The following PTGR3 variants were observed in gnomAD, a reference collection of about 807,000 sequenced individuals.
PTGR3 encodes zinc binding alcohol dehydrogenase domain containing 2.
chr18:75,206,056 GTCTC>G, the PTGR3 span, among the ~76,000 whole-genome samples: 10 of 152,238 alleles, frequency 6.6e-5, no homozygotes, highest in South Asian at 1.7e-3. Flanking sequence ...ACCTGGGGAT[GTCTC>G]TCTCTCTCTT....
the PTGR3 span, chr18:75,198,967 C>T: frequency 6.6e-6 from 1 of 152,442 alleles, no homozygotes; most frequent in Non-Finnish European, 1.5e-5. Flanking sequence ...GAACTATGAC[C>T]CTCAATTTAC....
chr18:75,203,240 T>C, the PTGR3 span, among the ~76,000 whole-genome samples: 1 of 152,142 alleles, frequency 6.6e-6, no homozygotes, highest in Non-Finnish European at 1.5e-5. Context: ...GTATACCTCC[T>C]AACAAAAATA....
the PTGR3 span, chr18:75,201,710 G>T: frequency 6.2e-7 from 1 of 1,614,200 alleles, no homozygotes; most frequent in African/African-American, 1.3e-5. Context: ...CAGGCGAAAG[G>T]CCAGTAGGAG....
At chr18:75,201,255 A>T in the PTGR3 span, 4 of 478,626 alleles carry the variant, frequency 8.4e-6, no homozygotes, top group East Asian at 3.7e-5. Context: ...CCAAGGGAAG[A>T]GGAGGAGGAG....
chr18:75,208,990 G>T, the PTGR3 span: 2 of 1,594,892 alleles, frequency 1.3e-6, no homozygotes, highest in Non-Finnish European at 1.7e-6. Flanking sequence ...AGCCCTGGAA[G>T]TCCAGGAAGT....
At chr18:75,205,379 C>T in the PTGR3 span, 1 of 985,512 alleles carries the variant, frequency 1.0e-6, no homozygotes, top group Non-Finnish European at 1.2e-6. Flanking sequence ...GTACCCCCAC[C>T]CCCCCTTTAA....
At chr18:75,206,603 CGTG>C in the PTGR3 span, among the ~76,000 whole-genome samples, 1 of 152,166 alleles carries the variant, frequency 6.6e-6, no homozygotes, top group Non-Finnish European at 1.5e-5. Flanking sequence ...CTTCCTACAA[CGTG>C]GTGGTGGGAG....
the PTGR3 span, chr18:75,196,173 T>C: frequency 6.6e-6 from 1 of 152,210 alleles, no homozygotes; most frequent in African/African-American, 2.4e-5. Flanking sequence ...TTTATGAGGA[T>C]TTTTCTGAGC....
the PTGR3 span, chr18:75,200,686 T>C: frequency 6.6e-6 from 1 of 152,210 alleles, no homozygotes; most frequent in Non-Finnish European, 1.5e-5. Context: ...GTGGTTTCCC[T>C]TTCCAAAACC....
chr18:75,203,795 C>G, the PTGR3 span, among the ~76,000 whole-genome samples: 2 of 152,064 alleles, frequency 1.3e-5, no homozygotes, highest in African/African-American at 2.4e-5. Flanking sequence ...AAGAACCTGC[C>G]ATCTTTCCTT....
the PTGR3 span, chr18:75,208,962 T>G: frequency 6.3e-7 from 1 of 1,595,040 alleles, no homozygotes; most frequent in Admixed American, 1.7e-5. Flanking sequence ...AGCTTCTGCA[T>G]GGCTTGGGGA....
the PTGR3 span, among the ~76,000 whole-genome samples, chr18:75,202,833 T>C: frequency 6.6e-6 from 1 of 152,218 alleles, no homozygotes; most frequent in East Asian, 1.9e-4. Context: ...GTATTGATTC[T>C]GGCAACAATT....
At chr18:75,204,852 C>T in the PTGR3 span, among the ~76,000 whole-genome samples, 3 of 152,166 alleles carry the variant, frequency 2.0e-5, no homozygotes, top group East Asian at 5.8e-4. Context: ...AAGTTCTCTC[C>T]GAGTCCCGTG....
chr18:75,208,987 G>A, the PTGR3 span: 71 of 1,593,846 alleles, frequency 4.5e-5, no homozygotes, highest in Admixed American at 2.9e-4. Flanking sequence ...CGGAGCCCTG[G>A]AAGTCCAGGA....
At chr18:75,203,636 A>C in the PTGR3 span, among the ~76,000 whole-genome samples, 124 of 152,294 alleles carry the variant, frequency 8.1e-4, 1 homozygote, top group African/African-American at 2.4e-3. Context: ...ACACAGCCTC[A>C]ATAACACCCC....
chr18:75,208,511 G>A, the PTGR3 span: 1 of 1,058,582 alleles, frequency 9.4e-7, no homozygotes, highest in South Asian at 4.5e-5. Context: ...GCGGCCCGGC[G>A]GGGAGCCTCC....
chr18:75,208,585 G>T, the PTGR3 span: 1 of 998,360 alleles, frequency 1.0e-6, no homozygotes, highest in Non-Finnish European at 1.3e-6. Flanking sequence ...CTGGAGGAGG[G>T]GAGGGGAATC....
At chr18:75,202,422 T>G in the PTGR3 span, 1 of 1,364,978 alleles carries the variant, frequency 7.3e-7, no homozygotes, top group Non-Finnish European at 1.0e-6. Flanking sequence ...ATTCCTCTAG[T>G]TCTGGCGACC....
the PTGR3 span, chr18:75,208,584 G>A: frequency 2.0e-6 from 2 of 997,652 alleles, no homozygotes; most frequent in Non-Finnish European, 2.5e-6. Context: ...GCTGGAGGAG[G>A]GGAGGGGAAT....
Sources: allele counts gnomAD v4.1 joint callset (sites outside exome capture counted in the v4.1 genomes callset), GRCh38; gene constraint gnomAD v4.1.1; transcripts MANE v1.5; gene names NCBI Gene and HGNC (gene_info 2026-07-23, HGNC 2026-07-21).